ADAMTS3: variants seen among roughly 807,000 people sequenced by gnomAD.
ADAMTS3 encodes ADAM metallopeptidase with thrombospondin type 1 motif 3.
Under a neutral mutation model 129.0 loss-of-function variants are expected in ADAMTS3, and 73 were observed. The observed-to-expected ratio is 0.57, with a 90% confidence interval of 0.47 to 0.69. The LOEUF is 0.69. Ranked by LOEUF, ADAMTS3 falls within the 30% of genes least tolerant of loss-of-function variation. ADAMTS3 has a pLI of 0.00. For missense variants in ADAMTS3, 1,457 were observed against 1,514.5 expected, an observed-to-expected ratio of 0.96 and a Z score of 0.63; for synonymous variants, 477 against 510.8, an observed-to-expected ratio of 0.93 and a Z score of 0.89.
At chr4:72,369,059 G>A (rs1233111608) in intron 4 of ADAMTS3, among the ~76,000 whole-genome samples, 3 of 152,036 alleles carry the variant, frequency 2.0e-5, no homozygotes, top group Non-Finnish European at 4.4e-5. Flanking sequence ...GAACATAGTT[G>A]GTACAAAACA....
chr4:72,513,216 T>C (rs915261401), intron 3 of ADAMTS3, among the ~76,000 whole-genome samples: 1 of 152,190 alleles, frequency 6.6e-6, no homozygotes, highest in Non-Finnish European at 1.5e-5. Context: ...TTTTCTACTT[T>C]ACCTATTCTA....
chr4:72,355,822 A>T (rs1018928462), intron 4 of ADAMTS3, among the ~76,000 whole-genome samples: 25 of 152,068 alleles, frequency 1.6e-4, no homozygotes, highest in African/African-American at 5.8e-4. Context: ...ATGACTAAAG[A>T]GAAACAACAA....
rs143537916 is a variant in ADAMTS3 at position 72,552,487 on chromosome 4, T to C, written c.98-3603A>G. Among the ~76,000 whole-genome samples the C allele has an allele frequency of 2.4e-3, 361 of 152,330 alleles. 1 individual carries two copies. Among genetic ancestry groups the C allele is most frequent in the African/African-American group, 8.1e-3 (336 of 41,578 alleles). On this transcript the variant is annotated intron_variant, in intron 2 of 21. Coordinates refer to ENST00000286657, the MANE Select transcript of ADAMTS3 (RefSeq NM_014243.3). Reference sequence around the variant, plus strand: ...AGTAATAGGTATGTGAAGGCTTTTGTGGGCCGTAAGTTCCACAGGCACAAT... The same window carrying C: ...AGTAATAGGTATGTGAAGGCTTTTGCGGGCCGTAAGTTCCACAGGCACAAT...
At chr4:72,442,085 A>C (rs1718133016) in intron 3 of ADAMTS3, 1 of 151,790 alleles carries the variant, frequency 6.6e-6, no homozygotes, top group African/African-American at 2.4e-5. Flanking sequence ...AAGAGCTGGA[A>C]GTGACTTGAA....
intron 3 of ADAMTS3, among the ~76,000 whole-genome samples, chr4:72,516,303 T>C (rs532209603): frequency 8.7e-4 from 133 of 152,264 alleles, no homozygotes; most frequent in African/African-American, 2.9e-3. Context: ...TAGCTTAGGA[T>C]TGACTTGGCA....
chr4:72,558,007 T>G (rs1721810437), intron 2 of ADAMTS3, among the ~76,000 whole-genome samples: 1 of 151,788 alleles, frequency 6.6e-6, no homozygotes, highest in African/African-American at 2.4e-5. Flanking sequence ...TTCTCACACC[T>G]CTTATAATTT....
At chr4:72,320,991 G>A (rs887467616) in intron 6 of ADAMTS3, 121 bp from the exon 7 acceptor site, 2 of 997,328 alleles carry the variant, frequency 2.0e-6, no homozygotes, top group African/African-American at 1.6e-5. Flanking sequence ...TAATATTTGG[G>A]GCTTATTCTG....
intron 3 of ADAMTS3, among the ~76,000 whole-genome samples, chr4:72,517,669 G>C (rs541573912): frequency 6.6e-6 from 1 of 152,188 alleles, no homozygotes; most frequent in South Asian, 2.1e-4. Flanking sequence ...ATTTCTGTGG[G>C]ATCGGTGGTG....
intron 3 of ADAMTS3, among the ~76,000 whole-genome samples, chr4:72,429,876 A>C (rs1722656048): frequency 1.3e-5 from 2 of 152,000 alleles, no homozygotes; most frequent in Admixed American, 1.3e-4. Context: ...TCTCCTGGAC[A>C]GTGTTTTTCA....
intron 3 of ADAMTS3, among the ~76,000 whole-genome samples, chr4:72,539,491 G>GAAAAAAAA (rs71215438): frequency 6.8e-4 from 59 of 86,568 alleles, no homozygotes; most frequent in Admixed American, 8.9e-4. Flanking sequence ...GCTACTATCA[G>GAAAAAAAA]AAAAAAAAAA....
At chr4:72,334,973 G>A (rs962007258) in intron 5 of ADAMTS3, among the ~76,000 whole-genome samples, 1 of 152,184 alleles carries the variant, frequency 6.6e-6, no homozygotes, top group Non-Finnish European at 1.5e-5. Context: ...TCACAAAGGA[G>A]TGGGGATGAG....
intron 4 of ADAMTS3, among the ~76,000 whole-genome samples, chr4:72,407,488 C>G (rs577089285): frequency 6.6e-6 from 1 of 152,184 alleles, no homozygotes; most frequent in African/African-American, 2.4e-5. Context: ...AAAACAAAAC[C>G]TGCCAAAGTG....
chr4:72,495,334 G>A lies in ADAMTS3; in HGVS notation c.504+53144C>T, dbSNP rs114150992. Among the ~76,000 whole-genome samples the A allele has an allele frequency of 5.7e-3, 869 of 152,218 alleles. 2 individuals carry two copies. Among genetic ancestry groups the A allele is most frequent in the African/African-American group, 0.02 (824 of 41,544 alleles). On this transcript the variant is annotated intron_variant, in intron 3 of 21. Transcript: ENST00000286657. ...AGCTCTGGCTGGAAAAGAGAGAAAT[G>A]GCAGGCACAGCAGCAAATCAGCAGG... is the stretch of plus-strand genomic sequence containing the variant.
At chr4:72,387,591 T>C (rs1362836555) in intron 4 of ADAMTS3, among the ~76,000 whole-genome samples, 2 of 152,096 alleles carry the variant, frequency 1.3e-5, no homozygotes, top group Non-Finnish European at 2.9e-5. Flanking sequence ...TGGAGGTGCA[T>C]ATTGGGGCTA....
chr4:72,348,715 G>A (rs374213655), intron 4 of ADAMTS3, among the ~76,000 whole-genome samples: 1 of 151,824 alleles, frequency 6.6e-6, no homozygotes, highest in East Asian at 1.9e-4. Flanking sequence ...AAATAATGAA[G>A]CAGGAGGAAG....
At chr4:72,364,570 T>A (rs1012238643) in intron 4 of ADAMTS3, among the ~76,000 whole-genome samples, 9 of 151,114 alleles carry the variant, frequency 6.0e-5, no homozygotes, top group Admixed American at 5.9e-4. Context: ...GCAGAGATTG[T>A]GCCACCGCAC....
chr4:72,547,671 A>G (rs904551384), intron 3 of ADAMTS3, among the ~76,000 whole-genome samples: 4 of 152,222 alleles, frequency 2.6e-5, no homozygotes, highest in African/African-American at 4.8e-5. Context: ...ATTTTAGTAC[A>G]TATAAAATAA....
rs544535538 is a variant in ADAMTS3, at chr4:72,441,861, A to C, written c.505-26890T>G. ...AAAGGGAAGCCTTGACAAGAAGTCC[A>C]GTAAGTGGCTACTGATATCGGTTCC... On this transcript the variant is annotated intron_variant, in intron 3 of 21. Coordinates refer to ENST00000286657, the MANE Select transcript of ADAMTS3 (RefSeq NM_014243.3). 3.3e-5 allele frequency: 5 copies of C among 150,160 alleles called. No individual in the cohort carries two copies. In the South Asian group the frequency reaches 1.0e-3, roughly 31 times the overall value. The allele number at this position is 150,160 out of a possible 1,614,324, so 9.3% of individuals were successfully genotyped here. A position where few individuals can be genotyped will look rare whatever the true frequency, so the allele number is the denominator to read the frequency against.
At chr4:72,434,567 A>G (rs1403125885) in intron 3 of ADAMTS3, among the ~76,000 whole-genome samples, 1 of 151,804 alleles carries the variant, frequency 6.6e-6, no homozygotes, top group Non-Finnish European at 1.5e-5. Flanking sequence ...CCTATACCCC[A>G]GCCAACAGTG....
Sources: allele counts gnomAD v4.1 joint callset (sites outside exome capture counted in the v4.1 genomes callset), GRCh38; gene constraint gnomAD v4.1.1; transcripts MANE v1.5; gene names NCBI Gene and HGNC (gene_info 2026-07-23, HGNC 2026-07-21).